Variants in FBXO36 observed in about 807,000 individuals in gnomAD.
The protein encoded by FBXO36 is F-box only protein 36.
In FBXO36, 18 loss-of-function variants were observed where a neutral mutation model predicts 17.0. That is an observed-to-expected ratio of 1.06 (90% CI 0.73 to 1.57). The LOEUF (loss-of-function observed/expected upper bound fraction) is 1.57, where lower values mean the gene tolerates loss of function less well. Ranked by LOEUF, FBXO36 falls within the 40% of genes most tolerant of loss-of-function variation. The pLI is 0.00. For synonymous variants in FBXO36, 83 were observed against 85.3 expected, an observed-to-expected ratio of 0.97 and a Z score of 0.15; for missense variants, 229 against 221.9, an observed-to-expected ratio of 1.03 and a Z score of -0.20.
intron 1 of FBXO36, among the ~76,000 whole-genome samples, chr2:229,964,494 CTGTTATTGCA>C (rs1277099625): frequency 1.3e-5 from 2 of 152,178 alleles, no homozygotes; most frequent in Non-Finnish European, 2.9e-5. Context: ...TGAGATTCAA[CTGTTATTGCA>C]TGTATCAGTA....
chr2:229,935,095 A>G (rs2076957529), intron 1 of FBXO36, among the ~76,000 whole-genome samples: 1 of 152,196 alleles, frequency 6.6e-6, no homozygotes, highest in African/African-American at 2.4e-5. Context: ...TTGTGCCTCC[A>G]CAATCTGGAT....
chr2:229,946,103 C>G (rs2077025933), intron 1 of FBXO36, among the ~76,000 whole-genome samples: 1 of 151,868 alleles, frequency 6.6e-6, no homozygotes, highest in South Asian at 2.1e-4. Flanking sequence ...CATTGCGGCC[C>G]CAGGGGGTTG....
At chr2:229,968,899 G>A (rs1400268997) in intron 1 of FBXO36, among the ~76,000 whole-genome samples, 4 of 151,228 alleles carry the variant, frequency 2.6e-5, no homozygotes, top group African/African-American at 9.7e-5. Context: ...TCAGCCTCCC[G>A]AGTAGCTGAG....
intron 3 of FBXO36, among the ~76,000 whole-genome samples, chr2:230,006,545 G>C (rs187564416): frequency 2.6e-5 from 4 of 152,160 alleles, no homozygotes; most frequent in African/African-American, 9.7e-5. Context: ...TGTAATTACT[G>C]AGCCCCTGCT....
At chr2:229,929,865 A>G (rs2076930707) in intron 1 of FBXO36, among the ~76,000 whole-genome samples, 1 of 152,184 alleles carries the variant, frequency 6.6e-6, no homozygotes, top group Non-Finnish European at 1.5e-5. Flanking sequence ...TCTCAAAAAA[A>G]GAAAGAATAT....
intron 2 of FBXO36, among the ~76,000 whole-genome samples, chr2:229,992,122 TA>T (rs945031338): frequency 2.6e-5 from 4 of 151,976 alleles, no homozygotes; most frequent in Non-Finnish European, 5.9e-5. Context: ...TTTCCTTAGC[TA>T]AATGGCACAA....
At chr2:229,934,175 G>A (rs1309828260) in intron 1 of FBXO36, among the ~76,000 whole-genome samples, 1 of 152,024 alleles carries the variant, frequency 6.6e-6, no homozygotes, top group Non-Finnish European at 1.5e-5. Context: ...GCTGAGGCGA[G>A]TGGATCACAA....
intron 3 of FBXO36, among the ~76,000 whole-genome samples, chr2:230,007,291 A>C (rs2077391935): frequency 6.6e-6 from 1 of 152,276 alleles, no homozygotes; most frequent in Non-Finnish European, 1.5e-5. Context: ...TGGTCATGAC[A>C]GGCATATAAA....
rs762318830 is a variant in FBXO36, at chr2:229,999,595, C to T, written c.378+2672C>T. Among the ~76,000 whole-genome samples the T allele has an allele frequency of 2.5e-4, 38 of 150,780 alleles. 1 individual carries two copies. The highest frequency in any genetic ancestry group is 5.0e-4 in the Non-Finnish European group (34 of 67,826). On this transcript the variant is annotated intron_variant, in intron 3 of 3. Transcript: ENST00000283946. Reference sequence around the variant, plus strand: ...ATTTCATTGTGTTGCCCAGGTTGCTCTTGAACTCCTGGGCTCAAATGATCC... The same window carrying T: ...ATTTCATTGTGTTGCCCAGGTTGCTTTTGAACTCCTGGGCTCAAATGATCC...
At chr2:229,981,285 T>G (rs969662958) in intron 2 of FBXO36, among the ~76,000 whole-genome samples, 4 of 152,042 alleles carry the variant, frequency 2.6e-5, no homozygotes, top group Non-Finnish European at 5.9e-5. Context: ...GGCCAGAAGT[T>G]TGAGACCAGC....
intron 1 of FBXO36, among the ~76,000 whole-genome samples, chr2:229,961,399 C>T (rs1265472750): frequency 6.6e-6 from 1 of 151,818 alleles, no homozygotes; most frequent in African/African-American, 2.4e-5. Flanking sequence ...ATTTTTGAGA[C>T]GGCATCTTGC....
chr2:229,987,594 A>G (rs2077275734), intron 2 of FBXO36, among the ~76,000 whole-genome samples: 1 of 151,926 alleles, frequency 6.6e-6, no homozygotes. Flanking sequence ...TAGCTTCTTG[A>G]GATGGAAGTA....
chr2:229,930,409 CTT>C (rs1179680199), intron 1 of FBXO36, among the ~76,000 whole-genome samples: 2 of 152,102 alleles, frequency 1.3e-5, no homozygotes, highest in Non-Finnish European at 2.9e-5. Flanking sequence ...TTTCAGCTGT[CTT>C]TTTGTTTTTC....
rs1296166754 is a variant in FBXO36, at chr2:229,925,129, A to AT, written c.96+2526dup. Among the ~76,000 whole-genome samples, 6 of 149,282 alleles carry AT rather than the reference A, an allele frequency of 4.0e-5. No homozygotes were observed. In the South Asian group the frequency reaches 1.1e-3, roughly 26 times the overall value. On this transcript the variant is annotated intron_variant, in intron 1 of 3. Coordinates refer to ENST00000283946, the MANE Select transcript of FBXO36 (RefSeq NM_174899.5). ...TTTATTATTTATTTATTTATTTTTT[A>AT]TTTTTTGCAAGTGAAAAACTCTCCT... is the stretch of plus-strand genomic sequence containing the variant.
intron 1 of FBXO36, among the ~76,000 whole-genome samples, chr2:229,957,298 C>T (rs951746272): frequency 6.6e-6 from 1 of 152,024 alleles, no homozygotes; most frequent in Non-Finnish European, 1.5e-5. Flanking sequence ...TGAAGTAGGC[C>T]GGGCACGGTG....
chr2:229,990,784 G>A (rs2077293883), intron 2 of FBXO36, among the ~76,000 whole-genome samples: 1 of 152,126 alleles, frequency 6.6e-6, no homozygotes, highest in Non-Finnish European at 1.5e-5. Context: ...GGAACAAATT[G>A]TATACCATAT....
chr2:229,929,435 G>A (rs887975721), intron 1 of FBXO36, among the ~76,000 whole-genome samples: 14 of 151,912 alleles, frequency 9.2e-5, no homozygotes, highest in African/African-American at 2.9e-4. Context: ...GCGTGGGAGC[G>A]GGCGCCTATA....
chr2:229,926,145 AG>A (rs1187461108), intron 1 of FBXO36, among the ~76,000 whole-genome samples: 1 of 140,274 alleles, frequency 7.1e-6, no homozygotes, highest in Non-Finnish European at 1.5e-5. Flanking sequence ...AAAAAAAAAA[AG>A]GGGGGGCTGA....
chr2:229,996,964 G>T, intron 3 of FBXO36, 41 bp downstream of exon 3: 1 of 1,569,488 alleles, frequency 6.4e-7, no homozygotes, highest in Non-Finnish European at 8.6e-7. Context: ...AATTTTCCAT[G>T]TGCTTTCTAA....
Sources: allele counts gnomAD v4.1 joint callset (sites outside exome capture counted in the v4.1 genomes callset), GRCh38; gene constraint gnomAD v4.1.1; transcripts MANE v1.5; gene names NCBI Gene and HGNC (gene_info 2026-07-23, HGNC 2026-07-21).